Variants in SLC38A11 observed in about 807,000 individuals in gnomAD.
SLC38A11 encodes putative sodium-coupled neutral amino acid transporter 11.
A neutral mutation model predicts 49.4 loss-of-function variants in SLC38A11; 51 were observed. The observed-to-expected ratio is 1.03, with a 90% CI of 0.83 to 1.30. The LOEUF (loss-of-function observed/expected upper bound fraction) is 1.30, where lower values mean the gene tolerates loss of function less well. Among genes scored for constraint, SLC38A11 ranks in the 50% most tolerant of loss-of-function variants. SLC38A11 has a pLI of 0.00. For missense variants in SLC38A11, 574 were observed against 556.2 expected (o/e 1.03, Z -0.32); for synonymous variants, 203 against 192.9 (o/e 1.05, Z -0.43).
intron 7 of SLC38A11, among the ~76,000 whole-genome samples, chr2:164,918,501 GT>G (rs1685956935): frequency 6.6e-6 from 1 of 152,092 alleles, no homozygotes; most frequent in Non-Finnish European, 1.5e-5. Context: ...GATAAGGAAT[GT>G]CCACCAAATC....
At position 164,896,116 on chromosome 2, in the gene SLC38A11, T is replaced by A. The variant is rs1684372264; in HGVS notation, c.*2321A>T. The A allele has an allele frequency of 6.6e-6, 1 of 152,000 alleles. No individual in the cohort carries two copies. The highest frequency in any genetic ancestry group is 2.4e-5 in the African/African-American group (1 of 41,398). The allele number at this position is 152,000 out of a possible 1,614,324, so 9.4% of individuals were successfully genotyped here. On this transcript the variant is annotated 3_prime_UTR_variant, in exon 12 of 12. Transcript: ENST00000685975. ...TATTGAACTGAGGCAGAAAATAGAT[T>A]GAGGGGTGGGGTTCTTGCAGTTATG...
At chr2:164,948,938 C>T (rs1298991854) in intron 3 of SLC38A11, among the ~76,000 whole-genome samples, 1 of 150,586 alleles carries the variant, frequency 6.6e-6, no homozygotes, top group Non-Finnish European at 1.5e-5. Flanking sequence ...CTCCTCCTCC[C>T]TAGAACATTC....
At chr2:164,931,525 C>A (rs1687007258) in intron 7 of SLC38A11, among the ~76,000 whole-genome samples, 1 of 152,094 alleles carries the variant, frequency 6.6e-6, no homozygotes. Flanking sequence ...TCAAACTACA[C>A]TAAAGGGCTA....
At chr2:164,899,417 A>G (rs957154633) in intron 11 of SLC38A11, among the ~76,000 whole-genome samples, 69 of 152,134 alleles carry the variant, frequency 4.5e-4, no homozygotes, top group African/African-American at 1.5e-3. Context: ...TCAGATTTAA[A>G]ATAATGGTGG....
In SLC38A11 at chr2:164,939,531, A is replaced by G. The variant is rs749573737; in HGVS notation, c.456T>C (p.Gly152=). Reference sequence around the variant, plus strand: ...TGGAAAGTCCAATAATGAAGTGGCGACCAATAAACACGTTTTCAGGATCAA... The same window carrying G: ...TGGAAAGTCCAATAATGAAGTGGCGGCCAATAAACACGTTTTCAGGATCAA... ...PGVDPENVFI[G]RHFIIGLSTV... is the part of the protein sequence containing the mutation. Residue 152 remains glycine, a synonymous_variant, in exon 6 of 12, where the codon GGT becomes GGC. Coordinates refer to ENST00000685975, the MANE Select transcript of SLC38A11 (RefSeq NM_001351537.2). 6.2e-7 allele frequency: 1 copy of G among 1,609,960 alleles called. No individual in the cohort carries two copies.
In SLC38A11 at chr2:164,945,725, A is replaced by G. The variant is rs1405988128; in HGVS notation, c.232T>C (p.Phe78Leu). Reference sequence around the variant, plus strand: ...CCTTTTATCAATAAAACAAGGGAAAAGTCTGTGGCAAGAACATCAATTAAA... The same window carrying G: ...CCTTTTATCAATAAAACAAGGGAAAGGTCTGTGGCAAGAACATCAATTAAA... ...LLFWVSYVTDFSLVLLIKGGA... is the reference protein window; with the variant it reads ...LLFWVSYVTDLSLVLLIKGGA... The change falls in exon 4 of 12, where the codon TTT (phenylalanine) becomes CTT (leucine). Residue 78 changes from phenylalanine to leucine, a missense_variant and splice_region_variant. By Grantham distance (22) the Phe-to-Leu change is conservative (BLOSUM62 0). Transcript: ENST00000685975. 1 of 1,604,690 alleles carries G rather than the reference A, an allele frequency of 6.2e-7. No individual in the cohort carries two copies. Among genetic ancestry groups the G allele is most frequent in the East Asian group, 2.2e-5 (1 of 44,640 alleles).
intron 3 of SLC38A11, 90 bp downstream of exon 3, chr2:164,952,617 T>C: frequency 1.2e-6 from 1 of 867,656 alleles, no homozygotes; most frequent in Non-Finnish European, 1.9e-6. Flanking sequence ...ACTAGGAAAT[T>C]CAGTTGCAGC....
intron 8 of SLC38A11, 92 bp from the exon 9 acceptor site, chr2:164,915,365 C>A: frequency 3.6e-6 from 4 of 1,098,780 alleles, no homozygotes; most frequent in South Asian, 1.8e-5. Context: ...ACTTTAGATG[C>A]CAATGAACTG....
chr2:164,926,061 T>C (rs4667469), intron 7 of SLC38A11, among the ~76,000 whole-genome samples: 18,571 of 152,218 alleles, frequency 0.12, 1,530 homozygotes, highest in East Asian at 0.3. Context: ...TTACCAGTCT[T>C]ATCCTTATAT....
At chr2:164,952,845 C>A (rs985999630) in intron 2 of SLC38A11, 64 bp from the exon 3 acceptor site, 16 of 1,238,096 alleles carry the variant, frequency 1.3e-5, no homozygotes, top group Non-Finnish European at 1.6e-5. Flanking sequence ...CAGAAATTCC[C>A]CCCTTCAATT....
intron 3 of SLC38A11, 78 bp downstream of exon 3, chr2:164,952,627 CAT>C (rs1491166661): frequency 5.3e-5 from 42 of 795,060 alleles, no homozygotes; most frequent in South Asian, 9.7e-5. Flanking sequence ...TCAGTTGCAG[CAT>C]GTGTGTGTGT....
intron 5 of SLC38A11, 31 bp from the exon 6 acceptor site, chr2:164,939,587 C>CTTATACCTGTAACATTT: frequency 1.4e-6 from 2 of 1,467,546 alleles, no homozygotes; most frequent in Non-Finnish European, 1.9e-6. Flanking sequence ...TTAAATGTTA[C>CTTATACCTGTAACATTT]AGGTATAAGT....
intron 3 of SLC38A11, among the ~76,000 whole-genome samples, chr2:164,949,457 C>A (rs1039528084): frequency 6.6e-6 from 1 of 152,078 alleles, no homozygotes; most frequent in Non-Finnish European, 1.5e-5. Context: ...AGGGTTTCAC[C>A]CTATTGGCCA....
At chr2:164,919,188 G>A (rs1686006867) in intron 7 of SLC38A11, among the ~76,000 whole-genome samples, 6 of 152,000 alleles carry the variant, frequency 3.9e-5, no homozygotes, top group Admixed American at 1.3e-4. Flanking sequence ...ACATTAGCCA[G>A]GCATGATGGT....
At chr2:164,910,097 TTG>T (rs1449695717) in intron 10 of SLC38A11, among the ~76,000 whole-genome samples, 3 of 152,112 alleles carry the variant, frequency 2.0e-5, no homozygotes, top group East Asian at 3.9e-4. Flanking sequence ...AGTCATACAT[TTG>T]TGTGTGTACC....
chr2:164,947,381 C>T (rs548545670), intron 3 of SLC38A11, among the ~76,000 whole-genome samples: 20 of 152,186 alleles, frequency 1.3e-4, no homozygotes, highest in Admixed American at 1.2e-3. Context: ...ATCCACCCGC[C>T]TAGGCCTCCC....
At position 164,908,718 on chromosome 2, in the gene SLC38A11, A is replaced by G. The variant is rs1380904312; in HGVS notation, c.1017T>C (p.Val339=). The change falls in exon 11 of 12, where the codon GTT becomes GTC. Residue 339 remains valine (V), a synonymous_variant. Transcript: ENST00000685975. ...GGNLSSVFHI[V]VTVMVITVAT... is the part of the protein sequence containing the mutation. ...CTACAGTGATGACCATCACTGTTAC[A>G]ACAATGTGGAAAACCGATGAAAGAT... 1.9e-6 allele frequency: 3 copies of G among 1,611,730 alleles called. No homozygotes were observed. The highest frequency in any genetic ancestry group is 1.3e-5 in the African/African-American group (1 of 74,810).
intron 10 of SLC38A11, among the ~76,000 whole-genome samples, chr2:164,909,009 G>T (rs1685215951): frequency 6.6e-6 from 1 of 152,072 alleles, no homozygotes; most frequent in South Asian, 2.1e-4. Flanking sequence ...CAGACCTATA[G>T]TGTGGCATAC....
At chr2:164,935,811 C>T (rs1306686759) in intron 7 of SLC38A11, among the ~76,000 whole-genome samples, 1 of 152,052 alleles carries the variant, frequency 6.6e-6, no homozygotes, top group African/African-American at 2.4e-5. Context: ...CTTTGGGAGA[C>T]TTTGAGAGAT....
Sources: allele counts gnomAD v4.1 joint callset (sites outside exome capture counted in the v4.1 genomes callset), GRCh38; gene constraint gnomAD v4.1.1; transcripts MANE v1.5; gene names NCBI Gene and HGNC (gene_info 2026-07-23, HGNC 2026-07-21).